The following PTPRZ1 variants were observed in gnomAD, a reference collection of about 807,000 sequenced individuals.
The protein encoded by PTPRZ1 is receptor-type tyrosine-protein phosphatase zeta.
In PTPRZ1, 82 loss-of-function variants were observed where a neutral mutation model predicts 214.1. The observed-to-expected ratio is 0.38, with a 90% CI of 0.32 to 0.46. The LOEUF (loss-of-function observed/expected upper bound fraction) is 0.46. PTPRZ1 is among the 20% of genes least tolerant of loss of function. PTPRZ1 has a pLI of 1.00. For synonymous variants in PTPRZ1, 945 were observed against 987.9 expected (o/e 0.96, Z 0.81); for missense variants, 2,603 against 2,748.7 (o/e 0.95, Z 1.19).
chr7:121,931,799 A>G (rs896046206), intron 2 of PTPRZ1, among the ~76,000 whole-genome samples: 2 of 152,160 alleles, frequency 1.3e-5, no homozygotes, highest in Admixed American at 1.3e-4. Context: ...TGAAGAAACA[A>G]TGTGTAGTTC....
At chr7:122,010,313 A>G (rs777009995) in intron 11 of PTPRZ1, 21 bp from the exon 12 acceptor site, 2 of 1,577,558 alleles carry the variant, frequency 1.3e-6, no homozygotes, top group Admixed American at 3.9e-5. Context: ...TGACTCATTA[A>G]ATCTTGTTTG....
intron 13 of PTPRZ1, among the ~76,000 whole-genome samples, chr7:122,024,106 C>T (rs1799134597): frequency 6.6e-6 from 1 of 151,742 alleles, no homozygotes; most frequent in Non-Finnish European, 1.5e-5. Context: ...AGATGGACTA[C>T]AGATACTGAA....
Position 121,997,792 on chromosome 7 carries a change from G to A in PTPRZ1, c.1114-88G>A, listed in dbSNP as rs780190989. On this transcript the variant is annotated intron_variant, in intron 9 of 29. Transcript: ENST00000393386. ...AATAGAAGTATTTTCCACGGACCAG[G>A]GAGAAAAAGTTTTCTAGGAAAGATA... 2.2e-5 allele frequency: 26 copies of A among 1,167,002 alleles called. No individual in the cohort carries two copies. The East Asian group carries it at 2.4e-4, about 11-fold the overall frequency. 72.3% of individuals were successfully genotyped at this position (1,167,002 alleles called of 1,614,324 possible).
rs554797586 is a variant in PTPRZ1, at chr7:121,928,914, C to A, written c.124+693C>A. On this transcript the variant is annotated intron_variant, in intron 2 of 29. Coordinates refer to ENST00000393386, the MANE Select transcript of PTPRZ1 (RefSeq NM_002851.3). ...GGGTGAACCATGACATGCCTAGTAACCATGTGGGATGGAGTTGAGCATTAG... is the reference window on the plus strand; with the variant it reads ...GGGTGAACCATGACATGCCTAGTAAACATGTGGGATGGAGTTGAGCATTAG... 3.3e-5 allele frequency among the ~76,000 whole-genome samples: 5 copies of A among 152,222 alleles called. No homozygotes were observed. The East Asian group carries it at 9.7e-4, about 29-fold the overall frequency.
At chr7:122,029,658 C>A (rs1415306677) in intron 14 of PTPRZ1, among the ~76,000 whole-genome samples, 1 of 151,728 alleles carries the variant, frequency 6.6e-6, no homozygotes, top group Admixed American at 6.6e-5. Context: ...AGGATGTTAT[C>A]TTCTGAAATC....
chr7:121,935,540 TTTTTTTTGTTTG>T (rs1163157981), intron 2 of PTPRZ1, among the ~76,000 whole-genome samples: 1,342 of 129,302 alleles, frequency 0.01, 13 homozygotes, highest in East Asian at 0.034. Context: ...TTTTTTGGGG[TTTTTTTTGTTTG>T]TTTGTTTGTT....
chr7:122,059,663 A>C, intron 28 of PTPRZ1, 90 bp from the exon 29 acceptor site: 4 of 1,395,872 alleles, frequency 2.9e-6, no homozygotes, highest in Non-Finnish European at 3.8e-6. Flanking sequence ...TTCACTGCAA[A>C]GTTGTCAAGG....
chr7:122,033,127 T>C (rs972855728), intron 15 of PTPRZ1, among the ~76,000 whole-genome samples: 12 of 152,018 alleles, frequency 7.9e-5, no homozygotes, highest in African/African-American at 2.9e-4. Flanking sequence ...TTTTCACTTT[T>C]AAAGTTTTTT....
intron 6 of PTPRZ1, among the ~76,000 whole-genome samples, chr7:121,981,621 C>A (rs1259443883): frequency 6.6e-6 from 1 of 152,216 alleles, no homozygotes; most frequent in Non-Finnish European, 1.5e-5. Context: ...TGGACAGATA[C>A]AAATGAGACT....
At chr7:122,005,302 A>G (rs982419076) in intron 11 of PTPRZ1, among the ~76,000 whole-genome samples, 4 of 151,882 alleles carry the variant, frequency 2.6e-5, no homozygotes, top group African/African-American at 7.2e-5. Flanking sequence ...TATCTTTTAT[A>G]TTTCATCATA....
chr7:121,924,946 C>G (rs1795711861), intron 1 of PTPRZ1, among the ~76,000 whole-genome samples: 1 of 152,112 alleles, frequency 6.6e-6, no homozygotes, highest in South Asian at 2.1e-4. Context: ...GTAGCCCGCT[C>G]TATTGTTTTG....
chr7:122,050,032 T>G (rs748049502), intron 23 of PTPRZ1, among the ~76,000 whole-genome samples: 4 of 152,220 alleles, frequency 2.6e-5, no homozygotes, highest in Middle Eastern at 6.8e-3. Context: ...AATTTTCATG[T>G]CAAAAAAAGT....
intron 27 of PTPRZ1, among the ~76,000 whole-genome samples, chr7:122,057,058 G>A (rs1792374187): frequency 1.3e-5 from 2 of 151,878 alleles, no homozygotes; most frequent in Middle Eastern, 6.8e-3. Context: ...TTTTGTCTTG[G>A]TTTGATGTTG....
At chr7:121,961,565 AAC>A (rs763510403) in intron 2 of PTPRZ1, among the ~76,000 whole-genome samples, 2 of 152,220 alleles carry the variant, frequency 1.3e-5, no homozygotes, top group Non-Finnish European at 2.9e-5. Context: ...TGTAATAATA[AAC>A]ACACAGGCAA....
intron 2 of PTPRZ1, among the ~76,000 whole-genome samples, chr7:121,951,959 AT>A (rs1167301850): frequency 8.8e-5 from 6 of 68,344 alleles, no homozygotes; most frequent in African/African-American, 2.2e-4. Context: ...GTATTTATTT[AT>A]TTATTTTTTT....
intron 8 of PTPRZ1, 85 bp from the exon 9 acceptor site, chr7:121,996,297 A>C: frequency 1.0e-6 from 1 of 998,964 alleles, no homozygotes; most frequent in Non-Finnish European, 1.4e-6. Flanking sequence ...AATAAAACAC[A>C]ATAAAATTTT....
At chr7:121,934,692 C>G (rs1191724188) in intron 2 of PTPRZ1, among the ~76,000 whole-genome samples, 2 of 152,116 alleles carry the variant, frequency 1.3e-5, no homozygotes, top group Non-Finnish European at 2.9e-5. Flanking sequence ...ATTGAACAAG[C>G]CTGGGCCCAT....
At chr7:121,881,439 G>T (rs1419143580) in intron 1 of PTPRZ1, among the ~76,000 whole-genome samples, 8 of 152,206 alleles carry the variant, frequency 5.3e-5, no homozygotes, top group Admixed American at 2.0e-4. Context: ...TGGGTGCTGA[G>T]CCCAGACATG....
chr7:121,919,836 A>T (rs938070744), intron 1 of PTPRZ1, among the ~76,000 whole-genome samples: 2 of 139,500 alleles, frequency 1.4e-5, no homozygotes, highest in African/African-American at 2.8e-5. Context: ...TTAGTAATTG[A>T]TTAACCAAGC....
Sources: allele counts gnomAD v4.1 joint callset (sites outside exome capture counted in the v4.1 genomes callset), GRCh38; gene constraint gnomAD v4.1.1; transcripts MANE v1.5; gene names NCBI Gene and HGNC (gene_info 2026-07-23, HGNC 2026-07-21).